KATNB1: variants seen among roughly 807,000 people sequenced by gnomAD.
KATNB1 encodes katanin regulatory subunit B1.
KATNB1 carries 38 observed loss-of-function variants against 82.3 expected under a neutral mutation model. The observed-to-expected ratio is 0.46, with a 90% CI of 0.36 to 0.61. KATNB1 has a LOEUF of 0.61. Among genes scored for constraint, KATNB1 ranks in the 20% least tolerant of loss-of-function variants. The probability of loss-of-function intolerance (pLI) is 0.00; values close to 1 mark genes in which losing one functional copy is unlikely to be tolerated. For synonymous variants in KATNB1, 361 were observed against 368.7 expected, an observed-to-expected ratio of 0.98 and a Z score of 0.24; for missense variants, 749 against 915.7, an observed-to-expected ratio of 0.82 and a Z score of 2.35.
chr16:57,744,663 C>A, intron 4 of KATNB1, 152 bp downstream of exon 4: 1 of 690,062 alleles, frequency 1.4e-6, no homozygotes. Flanking sequence ...CACTCCACCC[C>A]CATTAGCCTG....
At chr16:57,752,664 G>A (rs1449819089) in intron 9 of KATNB1, 63 bp downstream of exon 9, 2 of 1,544,710 alleles carry the variant, frequency 1.3e-6, no homozygotes, top group Non-Finnish European at 1.7e-6. Flanking sequence ...GGCTGTGGGT[G>A]GGCCTTTCCC....
At chr16:57,752,141 C>T (rs1016703320) in intron 8 of KATNB1, 86 bp downstream of exon 8, 15 of 870,130 alleles carry the variant, frequency 1.7e-5, no homozygotes, top group Admixed American at 7.9e-5. Context: ...GCCGGTCTGT[C>T]GCTGTCTGGG....
Position 57,753,988 on chromosome 16 carries a change from A to C in KATNB1, c.1221A>C (p.Pro407=). The change falls in exon 13 of 20, where the codon CCA becomes CCC. Residue 407 remains proline (P), a synonymous_variant. Coordinates refer to ENST00000379661, the MANE Select transcript of KATNB1 (RefSeq NM_005886.3). ...PRRSEPFPAP[P]EDDAATAKEA... The stretch of plus-strand genomic sequence containing the variant: ...GAAGTGAGCCCTTCCCTGCACCCCC[A>C]GAGGACGGTGAGTTGGGTGAGCCTG... 1 of 1,613,494 alleles carries C rather than the reference A, an allele frequency of 6.2e-7. No homozygotes were observed. The highest frequency in any genetic ancestry group is 8.5e-7 in the Non-Finnish European group (1 of 1,179,836).
intron 4 of KATNB1, among the ~76,000 whole-genome samples, chr16:57,745,830 A>G (rs2049180620): frequency 6.6e-6 from 1 of 151,244 alleles, no homozygotes; most frequent in Admixed American, 6.6e-5. Context: ...CTATGTCCAT[A>G]TTACTCATTC....
intron 2 of KATNB1, among the ~76,000 whole-genome samples, chr16:57,740,180 A>G (rs1555578989): frequency 6.6e-6 from 1 of 152,072 alleles, no homozygotes; most frequent in Non-Finnish European, 1.5e-5. Flanking sequence ...AGTGGGGCCC[A>G]GCTCCCTGGG....
In KATNB1 at chr16:57,752,784, C is replaced by T. The variant is rs782405323; in HGVS notation, c.711C>T (p.Val237=). ...IEGEPGPVRS[V]LFNPDGCCLY... ...CATCTCTCGCCTGGCCCAGGAGCGT[C>T]CTCTTCAACCCAGACGGCTGCTGCC... Residue 237 remains valine, a synonymous_variant, in exon 10 of 20, where the codon GTC becomes GTT. Transcript: ENST00000379661. The T allele has an allele frequency of 5.1e-5, 82 of 1,610,252 alleles. No homozygotes were observed. Among genetic ancestry groups the T allele is most frequent in the Non-Finnish European group, 6.8e-5 (80 of 1,179,454 alleles).
In KATNB1 at chr16:57,741,694, C is replaced by T. The variant is rs200838733; in HGVS notation, c.48C>T (p.Ile16=). Residue 16 remains isoleucine (I), a synonymous_variant, in exon 3 of 20, where the codon ATC becomes ATT. Transcript: ENST00000379661. ...CTCTCCTTCCCTGTGTAGAAGAGATCGTCGCGCATGCCAGCAACGTGTCCT... is the reference window on the plus strand; with the variant it reads ...CTCTCCTTCCCTGTGTAGAAGAGATTGTCGCGCATGCCAGCAACGTGTCCT... ...VTKTAWKLQE[I]VAHASNVSSL... is the part of the protein sequence containing the mutation. 1,128 of 1,613,268 alleles carry T rather than the reference C, an allele frequency of 7.0e-4. 1 individual carries two copies. Among genetic ancestry groups the T allele is most frequent in the Non-Finnish European group, 9.2e-4 (1,084 of 1,179,716 alleles).
rs1597830730 is a variant in KATNB1 at position 57,754,146 on chromosome 16, G to A, written c.1228+151G>A. The A allele has an allele frequency of 1.6e-5, 11 of 686,836 alleles. No individual in the cohort carries two copies. The East Asian group carries it at 3.0e-4, about 19-fold the overall frequency. The allele number at this position is 686,836 out of a possible 1,614,324, so 42.5% of individuals were successfully genotyped here. A position where few individuals can be genotyped will look rare whatever the true frequency, so the allele number is the denominator to read the frequency against. On this transcript the variant is annotated intron_variant, in intron 13 of 19. Coordinates refer to ENST00000379661, the MANE Select transcript of KATNB1 (RefSeq NM_005886.3). Reference sequence around the variant, plus strand: ...CTCTCCCGCTGGGTCTCTGCCCTCTGCCTGTTATGTGCCAGGTCCCTGCAA... The same window carrying A: ...CTCTCCCGCTGGGTCTCTGCCCTCTACCTGTTATGTGCCAGGTCCCTGCAA...
At position 57,753,155 on chromosome 16, in the gene KATNB1, G is replaced by T; in HGVS notation, c.934G>T (p.Ala312Ser). ...LTRVTRTGTV[A>S]RDPVQDHRPL... ...GCGTGTCACCAGGACTGGCACGGTG[G>T]CCCGGGACCCTGTGCAGGACCACCG... Residue 312 changes from alanine to serine, a missense_variant, in exon 11 of 20, where the codon GCC becomes TCC. Physicochemically the swap from Ala to Ser is moderately conservative, Grantham distance 99 (BLOSUM62 1). This residue lies in a region of KATNB1 where 407 missense variants were observed against 434.7 expected (regional missense o/e 0.94). Coordinates refer to ENST00000379661, the MANE Select transcript of KATNB1 (RefSeq NM_005886.3). 6.2e-7 allele frequency: 1 copy of T among 1,611,144 alleles called. No homozygotes were observed. The highest frequency in any genetic ancestry group is 8.5e-7 in the Non-Finnish European group (1 of 1,179,766).
intron 4 of KATNB1, among the ~76,000 whole-genome samples, chr16:57,745,081 A>G (rs565339054): frequency 3.3e-5 from 5 of 152,356 alleles, no homozygotes; most frequent in Non-Finnish European, 7.3e-5. Flanking sequence ...ATTAATTTCA[A>G]TGGAAAGAGG....
intron 16 of KATNB1, 114 bp downstream of exon 16, chr16:57,755,608 G>A: frequency 7.3e-7 from 1 of 1,363,890 alleles, no homozygotes; most frequent in Non-Finnish European, 1.0e-6. Context: ...GTGTGGGATA[G>A]GCCATCCCTG....
chr16:57,756,094 G>A (rs782679901), intron 18 of KATNB1, 28 bp downstream of exon 18: 2 of 1,598,660 alleles, frequency 1.3e-6, no homozygotes, highest in Non-Finnish European at 8.5e-7. Flanking sequence ...ATGCCTGCCT[G>A]AAGCAGGGGG....
At chr16:57,755,556 C>G in intron 16 of KATNB1, 62 bp downstream of exon 16, 1 of 1,577,946 alleles carries the variant, frequency 6.3e-7, no homozygotes, top group Non-Finnish European at 8.6e-7. Flanking sequence ...CCTGCCTGCC[C>G]GGGCTTGGGG....
At chr16:57,748,158 G>A (rs544920454) in intron 4 of KATNB1, among the ~76,000 whole-genome samples, 4 of 152,260 alleles carry the variant, frequency 2.6e-5, no homozygotes, top group Admixed American at 1.3e-4. Context: ...CTTGAATCCC[G>A]GTGTCAGGAC....
Position 57,755,131 on chromosome 16 carries a change from C to T in KATNB1, c.1309C>T (p.Pro437Ser). 4 of 1,612,796 alleles carry T rather than the reference C, an allele frequency of 2.5e-6. No individual in the cohort carries two copies. In the South Asian group the frequency reaches 3.3e-5, roughly 13 times the overall value. Residue 437 changes from proline to serine, a missense_variant, in exon 15 of 20, where the codon CCC (proline) becomes TCC (serine). By Grantham distance (74) the Pro-to-Ser change is moderately conservative. Transcript: ENST00000379661. ...QFPVPNLEVL[P>S]RPPVVASTPA... ...TTCACACTTTCAGCTGGAGGTCCTG[C>T]CCCGGCCCCCAGTGGTTGCTTCCAC...
intron 12 of KATNB1, 69 bp from the exon 13 acceptor site, chr16:57,753,875 TG>T: frequency 6.7e-7 from 1 of 1,482,856 alleles, no homozygotes; most frequent in Non-Finnish European, 9.4e-7. Context: ...CCCCGCACTC[TG>T]GACAGGGCCC....
chr16:57,753,849 G>T, intron 12 of KATNB1, 96 bp from the exon 13 acceptor site: 1 of 1,169,404 alleles, frequency 8.6e-7, no homozygotes, highest in Non-Finnish European at 1.2e-6. Flanking sequence ...CGCATGCCTG[G>T]GAGCTACCCT....
rs557777169 is a variant in KATNB1 at position 57,752,880 on chromosome 16, C to T, written c.807C>T (p.Leu269=). 16 of 1,607,882 alleles carry T rather than the reference C, an allele frequency of 1.0e-5. 1 individual carries two copies. Among genetic ancestry groups the T allele is most frequent in the South Asian group, 7.7e-5 (7 of 91,004 alleles). ...CTGAGCGGTGCTTTGATGTGGTCCTCGTCAACTGGGGCAAGGTGGCCGACC... is the reference window on the plus strand; with the variant it reads ...CTGAGCGGTGCTTTGATGTGGTCCTTGTCAACTGGGGCAAGGTGGCCGACC... ...WEPERCFDVV[L]VNWGKVADLA... is the part of the protein sequence containing the mutation. The change falls in exon 10 of 20, where the codon CTC becomes CTT. Residue 269 remains leucine (L), a synonymous_variant. Coordinates refer to ENST00000379661, the MANE Select transcript of KATNB1 (RefSeq NM_005886.3).
intron 3 of KATNB1, among the ~76,000 whole-genome samples, chr16:57,743,877 C>T (rs1413645196): frequency 6.6e-6 from 1 of 152,248 alleles, no homozygotes; most frequent in African/African-American, 2.4e-5. Context: ...CCTCCAACCG[C>T]CACAGCCCTC....
Sources: gnomAD v4.1 joint callset for allele counts (sites outside exome capture counted in the v4.1 genomes callset) on GRCh38, gnomAD v4.1.1 for gene constraint, gnomAD v4.1.1 regional missense constraint, MANE v1.5 for transcripts, NCBI Gene and HGNC (gene_info 2026-07-23, HGNC 2026-07-21) for gene names.